Variants in LRRTM3 observed in about 807,000 individuals in gnomAD.
LRRTM3 encodes the protein leucine rich repeat transmembrane neuronal 3, also known as leucine-rich repeat transmembrane neuronal protein 3.
A neutral mutation model predicts 44.7 loss-of-function variants in LRRTM3; 24 were observed. That is an observed-to-expected ratio of 0.54 (90% CI 0.39 to 0.76). The LOEUF (loss-of-function observed/expected upper bound fraction) is 0.76, where lower values mean the gene tolerates loss of function less well. Among genes scored for constraint, LRRTM3 ranks in the 30% least tolerant of loss-of-function variants. The probability of loss-of-function intolerance (pLI) is 0.00; values close to 1 mark genes in which losing one functional copy is unlikely to be tolerated. For synonymous variants in LRRTM3, 277 were observed against 278.7 expected (o/e 0.99, Z 0.06); for missense variants, 587 against 702.2 (o/e 0.84, Z 1.85).
At chr10:66,938,731 G>A (rs191562950) in intron 2 of LRRTM3, among the ~76,000 whole-genome samples, 1 of 152,248 alleles carries the variant, frequency 6.6e-6, no homozygotes, top group East Asian at 1.9e-4. Context: ...TGTGTGTTGT[G>A]AATAATCTAC....
At chr10:66,962,147 C>T (rs1204959016) in intron 2 of LRRTM3, among the ~76,000 whole-genome samples, 3 of 152,146 alleles carry the variant, frequency 2.0e-5, no homozygotes, top group Non-Finnish European at 4.4e-5. Flanking sequence ...CAGTCACTTT[C>T]CTGTTCAAAA....
intron 2 of LRRTM3, among the ~76,000 whole-genome samples, chr10:67,011,625 C>A (rs1234554938): frequency 6.6e-6 from 1 of 151,984 alleles, no homozygotes; most frequent in Non-Finnish European, 1.5e-5. Context: ...TAGAATTTCA[C>A]CCTAGGCTAT....
chr10:66,944,510 G>A (rs181722335), intron 2 of LRRTM3, among the ~76,000 whole-genome samples: 9 of 152,284 alleles, frequency 5.9e-5, no homozygotes, highest in African/African-American at 2.2e-4. Context: ...TAATGTTGAT[G>A]TTTTGACTTC....
In LRRTM3 at chr10:67,097,854, G is replaced by A. The variant is rs1259286114; in HGVS notation, c.*58G>A. ...AACTTTGTAACCTCAAGGACAAAAT[G>A]AGGAAGATGTGTTCATTGTGGACTC... On this transcript the variant is annotated 3_prime_UTR_variant, in exon 3 of 3. Transcript: ENST00000361320. 2.0e-6 allele frequency: 3 copies of A among 1,485,946 alleles called. No individual in the cohort carries two copies. The highest frequency in any genetic ancestry group is 2.8e-5 in the African/African-American group (2 of 72,352). 92.0% of individuals were successfully genotyped at this position (1,485,946 alleles called of 1,614,324 possible).
chr10:67,021,834 G>C (rs893793698), intron 2 of LRRTM3, among the ~76,000 whole-genome samples: 4 of 152,120 alleles, frequency 2.6e-5, no homozygotes, highest in African/African-American at 9.7e-5. Flanking sequence ...TACTATAAAG[G>C]GAAACATGGT....
chr10:66,930,296 T>C (rs924531582), intron 2 of LRRTM3, among the ~76,000 whole-genome samples: 5 of 152,212 alleles, frequency 3.3e-5, no homozygotes, highest in Non-Finnish European at 7.3e-5. Context: ...TTGTTGAATA[T>C]ACATGTATTC....
In LRRTM3 at chr10:67,035,559, C is replaced by A. The variant is rs931782483; in HGVS notation, c.1537-62028C>A. 7.9e-5 allele frequency among the ~76,000 whole-genome samples: 12 copies of A among 152,002 alleles called. 1 individual carries two copies. Among genetic ancestry groups the A allele is most frequent in the African/African-American group, 2.2e-4 (9 of 41,390 alleles). On this transcript the variant is annotated intron_variant, in intron 2 of 2. Coordinates refer to ENST00000361320, the MANE Select transcript of LRRTM3 (RefSeq NM_178011.5). ...AATCAGTAAATTCTAACTCGGAGAACTTTTTGACACACAATTCCAAAAACC... is the reference window on the plus strand; with the variant it reads ...AATCAGTAAATTCTAACTCGGAGAAATTTTTGACACACAATTCCAAAAACC...
intron 2 of LRRTM3, among the ~76,000 whole-genome samples, chr10:67,019,618 T>C (rs1852868410): frequency 1.3e-5 from 2 of 152,186 alleles, no homozygotes; most frequent in African/African-American, 2.4e-5. Flanking sequence ...GGTTGAGTAA[T>C]TTGTTCCAGG....
chr10:66,952,395 T>G (rs549241433), intron 2 of LRRTM3, among the ~76,000 whole-genome samples: 1 of 152,268 alleles, frequency 6.6e-6, no homozygotes, highest in East Asian at 1.9e-4. Flanking sequence ...ACAAAAGACA[T>G]AAGCAACGCA....
chr10:66,958,838 G>C (rs1158282758), intron 2 of LRRTM3, among the ~76,000 whole-genome samples: 1 of 152,124 alleles, frequency 6.6e-6, no homozygotes, highest in Admixed American at 6.6e-5. Flanking sequence ...AAAATGGGGA[G>C]AGCTAAGGTT....
intron 2 of LRRTM3, among the ~76,000 whole-genome samples, chr10:67,066,081 T>C (rs1263307953): frequency 6.6e-6 from 1 of 152,126 alleles, no homozygotes; most frequent in East Asian, 1.9e-4. Context: ...AAACTTTTAG[T>C]TCTCTCAATC....
chr10:67,046,967 GA>G (rs1246544156), intron 2 of LRRTM3, among the ~76,000 whole-genome samples: 2 of 152,192 alleles, frequency 1.3e-5, no homozygotes, highest in Non-Finnish European at 2.9e-5. Flanking sequence ...AATTTAGAAA[GA>G]GGGTACAGAG....
At chr10:67,017,899 A>G (rs1417575650) in intron 2 of LRRTM3, among the ~76,000 whole-genome samples, 2 of 151,962 alleles carry the variant, frequency 1.3e-5, no homozygotes, top group African/African-American at 4.8e-5. Context: ...CCTCCCAAGT[A>G]GCCGGGACTA....
Position 67,097,854 on chromosome 10 carries a change from G to T in LRRTM3, c.*58G>T, listed in dbSNP as rs1259286114. 2 of 1,485,828 alleles carry T rather than the reference G, an allele frequency of 1.3e-6. No homozygotes were observed. Among genetic ancestry groups the T allele is most frequent in the Non-Finnish European group, 1.9e-6 (2 of 1,066,556 alleles). The allele number at this position is 1,485,828 out of a possible 1,614,324, so 92.0% of individuals were successfully genotyped here. ...AACTTTGTAACCTCAAGGACAAAAT[G>T]AGGAAGATGTGTTCATTGTGGACTC... On this transcript the variant is annotated 3_prime_UTR_variant, in exon 3 of 3. Coordinates refer to ENST00000361320, the MANE Select transcript of LRRTM3 (RefSeq NM_178011.5).
intron 2 of LRRTM3, among the ~76,000 whole-genome samples, chr10:66,973,386 G>C (rs758384816): frequency 6.6e-6 from 1 of 152,062 alleles, no homozygotes; most frequent in Non-Finnish European, 1.5e-5. Context: ...TCAATAATTT[G>C]TATTAACAAA....
In LRRTM3 at chr10:66,972,703, T is replaced by C. The variant is rs1213468468; in HGVS notation, c.1536+44251T>C. ...ATTTAAAGGTTCTGTCAAATAGATT[T>C]TTTTTTTTTTTTTTTTTTTTTTTAT... On this transcript the variant is annotated intron_variant, in intron 2 of 2. Coordinates refer to ENST00000361320, the MANE Select transcript of LRRTM3 (RefSeq NM_178011.5). Among the ~76,000 whole-genome samples the C allele has an allele frequency of 2.3e-4, 3 of 13,106 alleles. No homozygotes were observed. In the Admixed American group the frequency reaches 3.5e-3, roughly 15 times the overall value. The allele number at this position is 13,106 out of a possible 152,430, so 8.6% of individuals were successfully genotyped here.
chr10:67,034,100 C>G (rs1233332249), intron 2 of LRRTM3, among the ~76,000 whole-genome samples: 1 of 152,084 alleles, frequency 6.6e-6, no homozygotes, highest in Admixed American at 6.6e-5. Context: ...GAAAAATAAG[C>G]TGACACATTG....
intron 2 of LRRTM3, among the ~76,000 whole-genome samples, chr10:67,018,782 T>A (rs1332335776): frequency 6.6e-6 from 1 of 152,226 alleles, no homozygotes; most frequent in East Asian, 1.9e-4. Flanking sequence ...GCAACGCACT[T>A]AAAACAGTTC....
chr10:67,089,162 A>C (rs922024037), intron 2 of LRRTM3, among the ~76,000 whole-genome samples: 1 of 152,004 alleles, frequency 6.6e-6, no homozygotes, highest in African/African-American at 2.4e-5. Context: ...CCAATCCCCC[A>C]TGGATACTGA....
Sources: gnomAD v4.1 joint callset for allele counts (sites outside exome capture counted in the v4.1 genomes callset) on GRCh38, gnomAD v4.1.1 for gene constraint, MANE v1.5 for transcripts, NCBI Gene and HGNC (gene_info 2026-07-23, HGNC 2026-07-21) for gene names.